The following GRID2 variants were observed in gnomAD, a reference collection of about 807,000 sequenced individuals.
The protein encoded by GRID2 is glutamate receptor ionotropic, delta-2.
A neutral mutation model predicts 114.8 loss-of-function variants in GRID2; 33 were observed. That is an observed-to-expected ratio of 0.29 (90% CI 0.22 to 0.38). The LOEUF is 0.38. Ranked by LOEUF, GRID2 falls within the 10% of genes least tolerant of loss-of-function variation. The pLI is 1.00. For synonymous variants in GRID2, 505 were observed against 449.9 expected (o/e 1.12, Z -1.55); for missense variants, 1,184 against 1,257.7 (o/e 0.94, Z 0.89).
chr4:93,358,774 G>A (rs1283976257), intron 8 of GRID2, among the ~76,000 whole-genome samples: 1 of 151,900 alleles, frequency 6.6e-6, no homozygotes, highest in Admixed American at 6.6e-5. Context: ...TAGTTACTAC[G>A]TTATTTTTAA....
chr4:92,612,959 A>G (rs548816401), intron 2 of GRID2, among the ~76,000 whole-genome samples: 1 of 151,474 alleles, frequency 6.6e-6, no homozygotes, highest in Admixed American at 6.6e-5. Context: ...CTCCAGAACA[A>G]TGGTGAATGG....
chr4:93,359,262 T>C (rs1444995692), intron 8 of GRID2, among the ~76,000 whole-genome samples: 3 of 151,740 alleles, frequency 2.0e-5, no homozygotes, highest in African/African-American at 7.3e-5. Context: ...TTGTTTGCAA[T>C]TTTTTCATTT....
chr4:93,383,030 C>T (rs76544187), intron 8 of GRID2, among the ~76,000 whole-genome samples: 166 of 152,166 alleles, frequency 1.1e-3, no homozygotes, highest in African/African-American at 3.8e-3. Context: ...CCTGGGCATA[C>T]ACAGCAACTT....
At chr4:93,698,523 G>T (rs1727239855) in intron 14 of GRID2, among the ~76,000 whole-genome samples, 1 of 152,006 alleles carries the variant, frequency 6.6e-6, no homozygotes, top group Admixed American at 6.6e-5. Flanking sequence ...GTCATAACTT[G>T]AACTGAGGTT....
At chr4:92,513,372 G>A (rs1724347446) in intron 1 of GRID2, among the ~76,000 whole-genome samples, 1 of 151,758 alleles carries the variant, frequency 6.6e-6, no homozygotes. Context: ...GCTTAATTCT[G>A]GGAACTCTAT....
intron 1 of GRID2, among the ~76,000 whole-genome samples, chr4:93,795,403 A>G (rs1302199473): frequency 6.6e-6 from 1 of 152,054 alleles, no homozygotes; most frequent in African/African-American, 2.4e-5. Context: ...CTTAATTTCC[A>G]CCTTAATGAC....
intron 1 of GRID2, among the ~76,000 whole-genome samples, chr4:92,317,971 A>T (rs890049980): frequency 1.3e-5 from 2 of 152,066 alleles, no homozygotes; most frequent in African/African-American, 4.8e-5. Context: ...CTACTTAAAA[A>T]CTTTAGATAA....
chr4:93,293,490 A>T (rs1753962171), intron 8 of GRID2, among the ~76,000 whole-genome samples: 1 of 152,154 alleles, frequency 6.6e-6, no homozygotes, highest in South Asian at 2.1e-4. Flanking sequence ...AAAGTGTTAC[A>T]GTGTTGTTCT....
chr4:93,480,651 G>A (rs1227722706), intron 11 of GRID2, among the ~76,000 whole-genome samples: 1 of 152,004 alleles, frequency 6.6e-6, no homozygotes, highest in East Asian at 1.9e-4. Context: ...ATCTCTTATA[G>A]TTAGTCATCC....
rs13120810 is a variant in GRID2 at position 93,594,762 on chromosome 4, G to T, written c.2194-31507G>T. The stretch of plus-strand genomic sequence containing the variant: ...GCGGGATATAATCTCGTGGTGCGCC[G>T]TTTTTTAAGCCCGTCGGAAAAGCGC... On this transcript the variant is annotated intron_variant, in intron 13 of 15. Transcript: ENST00000282020. Among the ~76,000 whole-genome samples, 4 of 150,670 alleles carry T rather than the reference G, an allele frequency of 2.7e-5. No homozygotes were observed. In the East Asian group the frequency reaches 7.8e-4, roughly 29 times the overall value.
At chr4:92,864,935 AT>A (rs1206283115) in intron 2 of GRID2, among the ~76,000 whole-genome samples, 1 of 152,158 alleles carries the variant, frequency 6.6e-6, no homozygotes, top group Non-Finnish European at 1.5e-5. Flanking sequence ...CCCAAAATTT[AT>A]TTGATACAGC....
intron 8 of GRID2, among the ~76,000 whole-genome samples, chr4:93,363,636 G>GAAC (rs1226679015): frequency 6.6e-6 from 1 of 151,836 alleles, no homozygotes; most frequent in Non-Finnish European, 1.5e-5. Flanking sequence ...TTGTGACATA[G>GAAC]AACATATGAA....
chr4:93,071,336 G>A (rs1214866547), intron 2 of GRID2, among the ~76,000 whole-genome samples: 2 of 152,036 alleles, frequency 1.3e-5, no homozygotes, highest in Non-Finnish European at 1.5e-5. Context: ...TTCACGACAT[G>A]TTCATTAGGT....
intron 8 of GRID2, chr4:93,318,618 G>A (rs1756923672): frequency 6.6e-6 from 1 of 151,884 alleles, no homozygotes; most frequent in South Asian, 2.1e-4. Context: ...TGATCACATA[G>A]TATCTTTTTT....
chr4:93,191,583 T>G (rs1405063654), intron 4 of GRID2, among the ~76,000 whole-genome samples: 1 of 152,126 alleles, frequency 6.6e-6, no homozygotes, highest in Admixed American at 6.5e-5. Flanking sequence ...TTACATATCT[T>G]TATTTCTTTA....
In GRID2 at chr4:93,142,208, A is replaced by G. The variant is rs78140654; in HGVS notation, c.735+31255A>G. 3.2e-4 allele frequency among the ~76,000 whole-genome samples: 49 copies of G among 152,240 alleles called. 1 individual carries two copies. In the East Asian group the frequency reaches 9.5e-3, roughly 29 times the overall value. ...AGCCTGGTTGATGGAGCGGGACCCT[A>G]TCTCAAACAAACAAACAAAAAACCT... is the stretch of plus-strand genomic sequence containing the variant. On this transcript the variant is annotated intron_variant, in intron 4 of 15. Coordinates refer to ENST00000282020, the MANE Select transcript of GRID2 (RefSeq NM_001510.4).
chr4:92,982,879 G>A (rs200655306), intron 2 of GRID2, among the ~76,000 whole-genome samples: 49 of 152,010 alleles, frequency 3.2e-4, no homozygotes, highest in South Asian at 8.3e-4. Context: ...CTCATTAACC[G>A]TTCTCATTAA....
chr4:92,962,240 T>C (rs1324444426), intron 2 of GRID2, among the ~76,000 whole-genome samples: 4 of 151,920 alleles, frequency 2.6e-5, no homozygotes, highest in South Asian at 2.1e-4. Context: ...GTTTTTTTAA[T>C]ATATATCTGA....
intron 8 of GRID2, among the ~76,000 whole-genome samples, chr4:93,367,366 A>G (rs1762444712): frequency 6.6e-6 from 1 of 152,060 alleles, no homozygotes; most frequent in African/African-American, 2.4e-5. Context: ...CTTAAATTTA[A>G]TACATTTTTT....
Sources: gnomAD v4.1 joint callset for allele counts (sites outside exome capture counted in the v4.1 genomes callset) on GRCh38, gnomAD v4.1.1 for gene constraint, MANE v1.5 for transcripts, NCBI Gene and HGNC (gene_info 2026-07-23, HGNC 2026-07-21) for gene names.